The following CYBB variants were observed in gnomAD, a reference collection of about 807,000 sequenced individuals.
CYBB encodes the protein NADPH oxidase 2.
Under a neutral mutation model 46.5 loss-of-function variants are expected in CYBB, and 5 were observed. The observed-to-expected ratio is 0.11, with a 90% CI of 0.06 to 0.23. The LOEUF is 0.23. Ranked by LOEUF, CYBB falls within the 10% of genes least tolerant of loss-of-function variation. The pLI, the probability that CYBB is intolerant of heterozygous loss-of-function variation, is 1.00. For synonymous variants in CYBB, 183 were observed against 156.7 expected (o/e 1.17, Z -1.26); for missense variants, 307 against 428.3 (o/e 0.72, Z 2.50).
rs1929535850 is a variant in CYBB at position 37,805,233 on chromosome X, G to A, written c.1314+65G>A. 4 of 1,113,898 alleles carry A rather than the reference G, an allele frequency of 3.6e-6. No homozygotes were observed. In the Admixed American group the frequency reaches 6.6e-5, roughly 19 times the overall value. 91.8% of individuals were successfully genotyped at this position (1,113,898 alleles called of 1,213,427 possible). On this transcript the variant is annotated intron_variant, in intron 10 of 12. Coordinates refer to ENST00000378588, the MANE Select transcript of CYBB (RefSeq NM_000397.4). ...CCATACTCTGCCATGTGAGGCCTGA[G>A]AGTGCTTTCAGGGCTAAGGTTGGCA...
At chrX:37,791,098 A>G (rs1363514693) in intron 3 of CYBB, among the ~76,000 whole-genome samples, 1 of 111,753 alleles carries the variant, frequency 8.9e-6, no homozygotes, top group Non-Finnish European at 1.9e-5. Context: ...GAAATCATGT[A>G]AAGTATGAAA....
chrX:37,799,537 A>G (rs1250295805), intron 7 of CYBB, among the ~76,000 whole-genome samples: 2 of 111,843 alleles, frequency 1.8e-5, no homozygotes, highest in Non-Finnish European at 1.9e-5. Flanking sequence ...ATGAGGTGGT[A>G]CATAAGGCTA....
intron 4 of CYBB, 24 bp from the exon 5 acceptor site, chrX:37,793,641 G>A (rs1929241952): frequency 8.3e-7 from 1 of 1,205,224 alleles, no homozygotes; most frequent in Non-Finnish European, 1.1e-6. Context: ...CATTCTCTTT[G>A]TTTCTCTTCT....
At chrX:37,797,249 A>G (rs1929333697) in intron 6 of CYBB, among the ~76,000 whole-genome samples, 1 of 112,040 alleles carries the variant, frequency 8.9e-6, no homozygotes, top group African/African-American at 3.2e-5. Flanking sequence ...GAGACCAAGA[A>G]TCTGATGACT....
At chrX:37,785,021 G>T (rs1373241690) in intron 3 of CYBB, among the ~76,000 whole-genome samples, 1 of 112,088 alleles carries the variant, frequency 8.9e-6, no homozygotes, top group Non-Finnish European at 1.9e-5. Flanking sequence ...CTGATCCAGA[G>T]AATTTTTTTC....
chrX:37,797,638 A>AGTT (rs1248615248), intron 6 of CYBB, among the ~76,000 whole-genome samples: 2 of 112,072 alleles, frequency 1.8e-5, no homozygotes, highest in East Asian at 5.6e-4. Context: ...GAACTTTAAT[A>AGTT]GTTATTTTTT....
intron 11 of CYBB, among the ~76,000 whole-genome samples, chrX:37,809,288 C>T (rs949381279): frequency 8.9e-6 from 1 of 112,143 alleles, no homozygotes; most frequent in African/African-American, 3.2e-5. Context: ...CCTATTCTTC[C>T]ACTTCACCTT....
Position 37,783,514 on chromosome X carries a change from C to T in CYBB, c.166C>T (p.Pro56Ser). 1.7e-6 allele frequency: 2 copies of T among 1,208,432 alleles called. No individual in the cohort carries two copies. Residue 56 changes from proline (P) to serine (S), a missense_variant, in exon 3 of 13, where the codon CCT becomes TCT. By Grantham distance (74) the Pro-to-Ser change is moderately conservative. Coordinates refer to ENST00000378588, the MANE Select transcript of CYBB (RefSeq NM_000397.4). Reference sequence around the variant, plus strand: ...GTCAGCACTGGCACTGGCCAGGGCCCCTGCAGCCTGCCTGAATTTCAACTG... The same window carrying T: ...GTCAGCACTGGCACTGGCCAGGGCCTCTGCAGCCTGCCTGAATTTCAACTG... ...LGSALALARA[P>S]AACLNFNCML...
rs782744261 is a variant in CYBB, at chrX:37,809,591, G to C, written c.1486G>C (p.Asp496His). The C allele has an allele frequency of 1.7e-6, 2 of 1,200,215 alleles. No individual in the cohort carries two copies. Among genetic ancestry groups the C allele is most frequent in the South Asian group, 1.8e-5 (1 of 55,321 alleles). The change falls in exon 12 of 13, where the codon GAT becomes CAT. Residue 496 changes from aspartate to histidine, a missense_variant. Transcript: ENST00000378588. Reference sequence around the variant, plus strand: ...GGCCAATCACTTTGCTGTGCACCATGATGAGGAGAAAGATGTGATCACAGG... The same window carrying C: ...GGCCAATCACTTTGCTGTGCACCATCATGAGGAGAAAGATGTGATCACAGG... ...SQANHFAVHH[D>H]EEKDVITGLK...
At chrX:37,808,625 G>A (rs1227209556) in intron 11 of CYBB, among the ~76,000 whole-genome samples, 3 of 111,790 alleles carry the variant, frequency 2.7e-5, no homozygotes, top group Non-Finnish European at 5.6e-5. Context: ...GAAACATAAC[G>A]ATAAGAATTG....
At chrX:37,806,309 C>A in intron 10 of CYBB, 78 bp from the exon 11 acceptor site, 1 of 1,066,120 alleles carries the variant, frequency 9.4e-7, no homozygotes, top group Non-Finnish European at 1.3e-6. Context: ...GTTTAGGTGA[C>A]AGAAAGTGGA....
chrX:37,789,088 T>C lies in CYBB; in HGVS notation c.253-2887T>C, dbSNP rs187296855. On this transcript the variant is annotated intron_variant, in intron 3 of 12. Coordinates refer to ENST00000378588, the MANE Select transcript of CYBB (RefSeq NM_000397.4). Reference sequence around the variant, plus strand: ...CCCTGTTTCCTTGCTGGTGATCATCTAGGGTCCACTCAAATCCTAGATGTT... The same window carrying C: ...CCCTGTTTCCTTGCTGGTGATCATCCAGGGTCCACTCAAATCCTAGATGTT... 2.0e-3 allele frequency among the ~76,000 whole-genome samples: 223 copies of C among 111,309 alleles called. 1 individual carries two copies. The highest frequency in any genetic ancestry group is 6.8e-3 in the African/African-American group (208 of 30,587).
At chrX:37,784,804 G>A (rs1366593449) in intron 3 of CYBB, among the ~76,000 whole-genome samples, 1 of 111,971 alleles carries the variant, frequency 8.9e-6, no homozygotes, top group Non-Finnish European at 1.9e-5. Context: ...GGAATGTAGG[G>A]ATTGTACAGG....
At chrX:37,785,808 G>C (rs1292443972) in intron 3 of CYBB, among the ~76,000 whole-genome samples, 1 of 111,880 alleles carries the variant, frequency 8.9e-6, no homozygotes, top group Admixed American at 9.4e-5. Flanking sequence ...AACAGGCAAT[G>C]TTTTCACCAA....
At chrX:37,801,773 T>C (rs957828088) in intron 8 of CYBB, among the ~76,000 whole-genome samples, 2 of 110,651 alleles carry the variant, frequency 1.8e-5, no homozygotes, top group Admixed American at 9.7e-5. Flanking sequence ...GAACCAGAGA[T>C]CTAAGGGTAG....
intron 9 of CYBB, among the ~76,000 whole-genome samples, chrX:37,804,755 TAA>T (rs781798398): frequency 2.0e-5 from 2 of 99,585 alleles, no homozygotes; most frequent in Non-Finnish European, 2.1e-5. Context: ...GTGGGGAGAT[TAA>T]AAAAAAAAAA....
At chrX:37,796,263 G>A in intron 6 of CYBB, 122 bp downstream of exon 6, 2 of 631,372 alleles carry the variant, frequency 3.2e-6, no homozygotes, top group Non-Finnish European at 5.3e-6. Flanking sequence ...AAGGGAATGT[G>A]AGAGGATAGC....
At chrX:37,806,617 G>A (rs1432380989) in intron 11 of CYBB, 84 bp downstream of exon 11, 1 of 943,284 alleles carries the variant, frequency 1.1e-6, no homozygotes, top group Non-Finnish European at 1.5e-6. Flanking sequence ...TGTGTCTTGT[G>A]TACTATTTTT....
At chrX:37,783,458 A>C (rs781961122) in intron 2 of CYBB, 32 bp from the exon 3 acceptor site, 1 of 1,030,828 alleles carries the variant, frequency 9.7e-7, no homozygotes. Flanking sequence ...TGCTCAAAAA[A>C]GTCACTCTGC....
Sources: allele counts gnomAD v4.1 joint callset (sites outside exome capture counted in the v4.1 genomes callset), GRCh38; gene constraint gnomAD v4.1.1; transcripts MANE v1.5; gene names NCBI Gene and HGNC (gene_info 2026-07-23, HGNC 2026-07-21).